Variants in NAALADL2 observed in about 807,000 individuals in gnomAD.
The protein encoded by NAALADL2 is N-acetylated alpha-linked acidic dipeptidase like 2.
In NAALADL2, 76 loss-of-function variants were observed where a neutral mutation model predicts 87.2. The observed-to-expected ratio is 0.87, with a 90% CI of 0.72 to 1.05. The LOEUF is 1.05. Ranked by LOEUF, NAALADL2 falls within the 50% of genes least tolerant of loss-of-function variation. The pLI, the probability that NAALADL2 is intolerant of heterozygous loss-of-function variation, is 0.00. For synonymous variants in NAALADL2, 354 were observed against 331.0 expected (o/e 1.07, Z -0.75); for missense variants, 1,089 against 945.8 (o/e 1.15, Z -1.99).
intron 11 of NAALADL2, among the ~76,000 whole-genome samples, chr3:175,692,077 T>C (rs1259658597): frequency 6.6e-6 from 1 of 152,088 alleles, no homozygotes; most frequent in Non-Finnish European, 1.5e-5. Context: ...CTTATATGAA[T>C]CTGAAATTTT....
At chr3:175,072,344 C>T (rs183416342) in intron 1 of NAALADL2, among the ~76,000 whole-genome samples, 12 of 151,774 alleles carry the variant, frequency 7.9e-5, no homozygotes, top group Non-Finnish European at 1.3e-4. Flanking sequence ...GATTTAAAGT[C>T]ATGATGTAAA....
chr3:175,013,099 T>TGTA (rs377294887), intron 1 of NAALADL2, among the ~76,000 whole-genome samples: 2 of 21,504 alleles, frequency 9.3e-5, no homozygotes, highest in Non-Finnish European at 1.8e-4. Context: ...TATATATAAA[T>TGTA]ATACATATTT....
In NAALADL2 at chr3:174,951,539, C is replaced by A. The variant is rs184088190; in HGVS notation, c.43+92089C>A. On this transcript the variant is annotated intron_variant, in intron 1 of 13. Coordinates refer to ENST00000454872, the MANE Select transcript of NAALADL2 (RefSeq NM_207015.3). ...TTCTCCTTCCCTTCTTTCTCTAAAT[C>A]TTTTTAATTTTAATTGATAGTAGAT... Among the ~76,000 whole-genome samples the A allele has an allele frequency of 2.6e-5, 4 of 152,100 alleles. No homozygotes were observed. The East Asian group carries it at 5.8e-4, about 22-fold the overall frequency.
intron 2 of NAALADL2, among the ~76,000 whole-genome samples, chr3:175,208,732 TAGAA>T (rs1266856420): frequency 1.3e-5 from 2 of 152,100 alleles, no homozygotes; most frequent in Non-Finnish European, 2.9e-5. Flanking sequence ...TCAATTTAGA[TAGAA>T]AGGAAATAAA....
chr3:174,753,689 C>T lies in NAALADL2; in HGVS notation c.-9+15943C>T, dbSNP rs141087648. ...GTGAGAGAAAGCTTAGAGCTTAGTACGCCTCCTCTCTACCCAGCCAGTGGT... is the reference window on the plus strand; with the variant it reads ...GTGAGAGAAAGCTTAGAGCTTAGTATGCCTCCTCTCTACCCAGCCAGTGGT... On this transcript the variant is annotated intron_variant, in intron 3 of 3. Transcript: ENST00000434257. Among the ~76,000 whole-genome samples, 38 of 152,244 alleles carry T rather than the reference C, an allele frequency of 2.5e-4. No individual in the cohort carries two copies. The East Asian group carries it at 6.2e-3, about 25-fold the overall frequency.
chr3:175,094,703 T>C (rs1720796329), intron 1 of NAALADL2, among the ~76,000 whole-genome samples: 1 of 149,930 alleles, frequency 6.7e-6, no homozygotes, highest in Non-Finnish European at 1.5e-5. Context: ...GTGATTTTTA[T>C]ATTTTAATCT....
chr3:175,162,742 A>G (rs1460618484), intron 2 of NAALADL2, among the ~76,000 whole-genome samples: 1 of 152,198 alleles, frequency 6.6e-6, no homozygotes, highest in Admixed American at 6.6e-5. Context: ...GTAAAGCTAT[A>G]AGATAGGCAT....
intron 4 of NAALADL2, chr3:175,256,941 T>C (rs1176352427): frequency 6.6e-6 from 1 of 152,550 alleles, no homozygotes; most frequent in African/African-American, 2.4e-5. Flanking sequence ...TTCTCTATGT[T>C]AGACAAGTAT....
chr3:175,233,905 A>T (rs1315439255), intron 2 of NAALADL2, 26 bp from the exon 3 acceptor site: 1 of 1,385,756 alleles, frequency 7.2e-7, no homozygotes. Context: ...CTTTTTAAAA[A>T]AGTTTTCTTT....
chr3:175,160,497 C>A (rs1036714745), intron 2 of NAALADL2, among the ~76,000 whole-genome samples: 2 of 149,384 alleles, frequency 1.3e-5, no homozygotes, highest in Non-Finnish European at 3.0e-5. Flanking sequence ...GGATTACAGG[C>A]ATGCACCTCC....
chr3:175,452,234 T>A (rs1343232881), intron 6 of NAALADL2, among the ~76,000 whole-genome samples: 1 of 152,096 alleles, frequency 6.6e-6, no homozygotes, highest in African/African-American at 2.4e-5. Flanking sequence ...TCAGATTCTC[T>A]CTCTCTCTCT....
At chr3:174,475,172 A>T (rs1717142864) in intron 1 of NAALADL2, among the ~76,000 whole-genome samples, 1 of 151,962 alleles carries the variant, frequency 6.6e-6, no homozygotes. Flanking sequence ...TTAGAAAAAA[A>T]AATTGATATT....
chr3:174,471,682 C>T (rs1716916336), intron 1 of NAALADL2, among the ~76,000 whole-genome samples: 1 of 151,988 alleles, frequency 6.6e-6, no homozygotes, highest in Non-Finnish European at 1.5e-5. Flanking sequence ...TGACTAACCC[C>T]ATAAACTTGG....
chr3:175,382,073 T>G (rs1767849124), intron 5 of NAALADL2, among the ~76,000 whole-genome samples: 1 of 152,150 alleles, frequency 6.6e-6, no homozygotes, highest in Admixed American at 6.6e-5. Context: ...ATTTAGGATA[T>G]TGGTACCACG....
chr3:174,650,862 A>G (rs1044329918), intron 2 of NAALADL2, among the ~76,000 whole-genome samples: 3 of 152,200 alleles, frequency 2.0e-5, no homozygotes, highest in Non-Finnish European at 4.4e-5. Flanking sequence ...AGATTTATCC[A>G]TGATTGATTT....
chr3:174,604,687 A>C (rs1298560689), intron 2 of NAALADL2, among the ~76,000 whole-genome samples: 1 of 151,094 alleles, frequency 6.6e-6, no homozygotes, highest in African/African-American at 2.4e-5. Flanking sequence ...CCTTTCATTA[A>C]AGGTAATTTT....
At chr3:175,107,969 G>A (rs567748466) in intron 2 of NAALADL2, among the ~76,000 whole-genome samples, 476 of 151,600 alleles carry the variant, frequency 3.1e-3, no homozygotes, top group Admixed American at 7.7e-3. Flanking sequence ...AAAAAAAATG[G>A]TATTGAAGTT....
intron 2 of NAALADL2, among the ~76,000 whole-genome samples, chr3:174,652,571 AAACTTATT>A: frequency 6.7e-6 from 1 of 148,792 alleles, no homozygotes; most frequent in African/African-American, 2.6e-5. Flanking sequence ...AGATCTCGTG[AAACTTATT>A]CACTATCACG....
intron 5 of NAALADL2, among the ~76,000 whole-genome samples, chr3:175,442,031 T>C (rs1379685444): frequency 6.6e-6 from 1 of 152,106 alleles, no homozygotes; most frequent in Non-Finnish European, 1.5e-5. Context: ...AACTTCCGCC[T>C]CCCAGATTCA....
Sources: gnomAD v4.1 joint callset for allele counts (sites outside exome capture counted in the v4.1 genomes callset) on GRCh38, gnomAD v4.1.1 for gene constraint, MANE v1.5 for transcripts, NCBI Gene and HGNC (gene_info 2026-07-23, HGNC 2026-07-21) for gene names.